ARHGAP15: variants seen among roughly 807,000 people sequenced by gnomAD.
The protein encoded by ARHGAP15 is Rho GTPase activating protein 15, also known as rho GTPase-activating protein 15.
ARHGAP15 carries 51 observed loss-of-function variants against 63.7 expected under a neutral mutation model. The observed-to-expected ratio is 0.80, with a 90% CI of 0.64 to 1.01. The LOEUF (loss-of-function observed/expected upper bound fraction) is 1.01. ARHGAP15 is among the 50% of genes least tolerant of loss of function. ARHGAP15 has a pLI of 0.00. For missense variants in ARHGAP15, 560 were observed against 564.6 expected (o/e 0.99, Z 0.08); for synonymous variants, 191 against 193.8 (o/e 0.99, Z 0.12).
chr2:143,394,690 A>G (rs879838100), intron 6 of ARHGAP15, among the ~76,000 whole-genome samples: 3 of 152,160 alleles, frequency 2.0e-5, no homozygotes, highest in African/African-American at 7.2e-5. Flanking sequence ...TTTAAATCCT[A>G]GTTGAGGACT....
At chr2:143,715,517 C>T (rs1263963469) in intron 13 of ARHGAP15, among the ~76,000 whole-genome samples, 1 of 152,140 alleles carries the variant, frequency 6.6e-6, no homozygotes, top group African/African-American at 2.4e-5. Context: ...TTCATCCTGA[C>T]AAACAAGCAG....
chr2:143,376,530 T>G (rs1214329796), intron 6 of ARHGAP15, among the ~76,000 whole-genome samples: 2 of 152,120 alleles, frequency 1.3e-5, no homozygotes, highest in African/African-American at 4.8e-5. Context: ...ACATTTATTT[T>G]TATCAATTTC....
At chr2:143,655,849 A>T (rs1681407170) in intron 12 of ARHGAP15, among the ~76,000 whole-genome samples, 1 of 152,186 alleles carries the variant, frequency 6.6e-6, no homozygotes, top group Non-Finnish European at 1.5e-5. Context: ...AAAAGTTCCA[A>T]AAGGAGAACA....
intron 8 of ARHGAP15, among the ~76,000 whole-genome samples, chr2:143,469,836 G>T (rs1691428880): frequency 6.6e-6 from 1 of 152,154 alleles, no homozygotes; most frequent in African/African-American, 2.4e-5. Flanking sequence ...AAAATTTAAA[G>T]TTATATATGT....
chr2:143,388,727 C>G (rs886551316), intron 6 of ARHGAP15, among the ~76,000 whole-genome samples: 1 of 152,088 alleles, frequency 6.6e-6, no homozygotes, highest in African/African-American at 2.4e-5. Flanking sequence ...TTTAAGAGTG[C>G]TTCTGTAAGT....
chr2:143,335,337 T>C (rs931999146), intron 6 of ARHGAP15, among the ~76,000 whole-genome samples: 1 of 152,178 alleles, frequency 6.6e-6, no homozygotes, highest in African/African-American at 2.4e-5. Flanking sequence ...TAATGGAAAA[T>C]CCTCTTAAAT....
intron 4 of ARHGAP15, among the ~76,000 whole-genome samples, chr2:143,218,742 T>C (rs773823082): frequency 2.0e-5 from 3 of 152,282 alleles, no homozygotes; most frequent in Middle Eastern, 3.4e-3. Context: ...GTGAGCATCA[T>C]AGAGTATACT....
At chr2:143,364,524 A>G (rs1686210379) in intron 6 of ARHGAP15, among the ~76,000 whole-genome samples, 1 of 152,236 alleles carries the variant, frequency 6.6e-6, no homozygotes, top group South Asian at 2.1e-4. Flanking sequence ...CTAGACAATT[A>G]CAAGTATGAT....
intron 8 of ARHGAP15, among the ~76,000 whole-genome samples, chr2:143,444,023 G>GTA (rs1690018531): frequency 6.6e-6 from 1 of 152,140 alleles, no homozygotes; most frequent in Non-Finnish European, 1.5e-5. Flanking sequence ...ACCTGTGGAT[G>GTA]TCCATTGTCG....
rs182119880 is a variant in ARHGAP15 at position 143,308,544 on chromosome 2, A to G, written c.474+57944A>G. Among the ~76,000 whole-genome samples, 7 of 152,050 alleles carry G rather than the reference A, an allele frequency of 4.6e-5. No homozygotes were observed. In the East Asian group the frequency reaches 1.4e-3, roughly 29 times the overall value. ...CTACACAGTGCCTAGCACATGAAAG[A>G]GCTATGGTAACTATTGTAATTATGA... On this transcript the variant is annotated intron_variant, in intron 6 of 13. Transcript: ENST00000295095.
intron 6 of ARHGAP15, among the ~76,000 whole-genome samples, chr2:143,353,069 T>G (rs1685642889): frequency 6.6e-6 from 1 of 152,178 alleles, no homozygotes; most frequent in South Asian, 2.1e-4. Context: ...AAGAAACTTT[T>G]TTTTTCAGGA....
intron 6 of ARHGAP15, among the ~76,000 whole-genome samples, chr2:143,337,366 T>C (rs1684849939): frequency 6.6e-6 from 1 of 152,160 alleles, no homozygotes. Flanking sequence ...AGCCATGAAA[T>C]GACTCAAGGC....
chr2:143,268,816 AAGAT>A (rs1182176451), intron 6 of ARHGAP15, among the ~76,000 whole-genome samples: 6 of 152,216 alleles, frequency 3.9e-5, no homozygotes, highest in African/African-American at 1.4e-4. Context: ...AATTAAGAGT[AAGAT>A]AGAAGAAGAA....
chr2:143,407,119 G>A (rs1278937545), intron 6 of ARHGAP15, among the ~76,000 whole-genome samples: 2 of 151,800 alleles, frequency 1.3e-5, no homozygotes, highest in African/African-American at 2.4e-5. Context: ...TATATCTTTT[G>A]TTTTCTGAAT....
chr2:143,416,634 C>A (rs1334412815), intron 6 of ARHGAP15, among the ~76,000 whole-genome samples: 1 of 152,158 alleles, frequency 6.6e-6, no homozygotes, highest in Non-Finnish European at 1.5e-5. Context: ...TTTTGTTTTA[C>A]TTCTGAGGTC....
intron 2 of ARHGAP15, among the ~76,000 whole-genome samples, chr2:143,158,186 A>G (rs566962782): frequency 1.6e-4 from 25 of 151,978 alleles, no homozygotes; most frequent in African/African-American, 6.0e-4. Context: ...AGTCAAACCA[A>G]TTCTGTAATT....
chr2:143,762,829 C>T (rs1686807952), intron 13 of ARHGAP15, among the ~76,000 whole-genome samples: 2 of 152,030 alleles, frequency 1.3e-5, no homozygotes, highest in African/African-American at 2.4e-5. Context: ...TTTCGTGAAG[C>T]ATATCAGAGA....
intron 3 of ARHGAP15, among the ~76,000 whole-genome samples, chr2:143,213,738 TATAAG>T (rs1204846997): frequency 1.3e-5 from 2 of 152,200 alleles, no homozygotes; most frequent in Non-Finnish European, 2.9e-5. Flanking sequence ...TGGAAAATGA[TATAAG>T]AGAAGATAAC....
chr2:143,582,779 T>A (rs1559063880), intron 11 of ARHGAP15, among the ~76,000 whole-genome samples: 1 of 152,208 alleles, frequency 6.6e-6, no homozygotes, highest in Non-Finnish European at 1.5e-5. Flanking sequence ...AAAGACTTCT[T>A]TTAAAGTCAT....
Sources: allele counts gnomAD v4.1 joint callset (sites outside exome capture counted in the v4.1 genomes callset), GRCh38; gene constraint gnomAD v4.1.1; transcripts MANE v1.5; gene names NCBI Gene and HGNC (gene_info 2026-07-23, HGNC 2026-07-21).